Variants in GATAD2B observed in about 807,000 individuals in gnomAD.
GATAD2B encodes the protein transcriptional repressor p66-beta.
A neutral mutation model predicts 64.3 loss-of-function variants in GATAD2B; 8 were observed. The observed-to-expected ratio is 0.12, with a 90% confidence interval of 0.07 to 0.22. GATAD2B has a LOEUF of 0.22. Ranked by LOEUF, GATAD2B falls within the 10% of genes least tolerant of loss-of-function variation. GATAD2B has a pLI of 1.00. For missense variants in GATAD2B, 453 were observed against 752.0 expected (o/e 0.60, Z 4.65); for synonymous variants, 281 against 271.3 (o/e 1.04, Z -0.35).
chr1:153,903,395 T>C (rs964873414), intron 1 of GATAD2B, among the ~76,000 whole-genome samples: 14 of 152,150 alleles, frequency 9.2e-5, no homozygotes, highest in African/African-American at 3.4e-4. Context: ...CTCATATCAT[T>C]GCTCAGAGCC....
chr1:153,810,790 A>T (rs1448870274), intron 10 of GATAD2B, among the ~76,000 whole-genome samples: 2 of 148,846 alleles, frequency 1.3e-5, no homozygotes, highest in Non-Finnish European at 3.0e-5. Flanking sequence ...CTGAGACAGA[A>T]TTTCGCTCGT....
chr1:153,831,506 T>TAA (rs981463056), intron 1 of GATAD2B, among the ~76,000 whole-genome samples: 1 of 147,152 alleles, frequency 6.8e-6, no homozygotes, highest in South Asian at 2.2e-4. Context: ...AGTAAAATAA[T>TAA]AAAAAAAAAA....
In GATAD2B at chr1:153,824,612, T is replaced by TTA. The variant is rs1553189267; in HGVS notation, c.335+3400_335+3401insTA. Among the ~76,000 whole-genome samples the TTA allele has an allele frequency of 1.9e-4, 18 of 96,664 alleles. 1 individual carries two copies. The South Asian group carries it at 3.4e-3, about 18-fold the overall frequency. 63.4% of individuals were successfully genotyped at this position (96,664 alleles called of 152,430 possible). A position where few individuals can be genotyped will look rare whatever the true frequency, so the allele number is the denominator to read the frequency against. On this transcript the variant is annotated intron_variant, in intron 2 of 10. Coordinates refer to ENST00000368655, the MANE Select transcript of GATAD2B (RefSeq NM_020699.4). The stretch of plus-strand genomic sequence containing the variant: ...GGGCAACAGAGCGAGACTCTGCCTT[T>TTA]AAAAAAAAAAAAAAAAAAAAAAAAA...
At chr1:153,911,262 G>GT (rs1033172466) in intron 1 of GATAD2B, among the ~76,000 whole-genome samples, 16 of 151,782 alleles carry the variant, frequency 1.1e-4, no homozygotes, top group East Asian at 1.9e-4. Flanking sequence ...AGAATGGTTG[G>GT]TTTTTTTTAA....
In GATAD2B at chr1:153,900,010, T is replaced by C. The variant is rs373098940; in HGVS notation, c.-2+22723A>G. ...ACACAAATTGCAAACACCCTAACTG[T>C]TCCTCAGAAGTGGACAGATTAGGTA... On this transcript the variant is annotated intron_variant, in intron 1 of 10. Transcript: ENST00000368655. Among the ~76,000 whole-genome samples, 9 of 152,340 alleles carry C rather than the reference T, an allele frequency of 5.9e-5. No individual in the cohort carries two copies. The East Asian group carries it at 1.5e-3, about 26-fold the overall frequency.
At chr1:153,857,878 A>C (rs1400089099) in intron 1 of GATAD2B, among the ~76,000 whole-genome samples, 1 of 152,250 alleles carries the variant, frequency 6.6e-6, no homozygotes, top group Non-Finnish European at 1.5e-5. Context: ...GGAAGCAATA[A>C]GAACTTCCAT....
At position 153,816,466 on chromosome 1, in the gene GATAD2B, G is replaced by A; in HGVS notation, c.1023C>T (p.Ala341=). The A allele has an allele frequency of 6.2e-7, 1 of 1,614,186 alleles. No homozygotes were observed. The highest frequency in any genetic ancestry group is 1.1e-5 in the South Asian group (1 of 91,086). ...CCTGTGAGTTGGCAGCATCAGTCAT[G>A]GCGCTGGGGCTAGGAAGTGGCGAGG... is the stretch of plus-strand genomic sequence containing the variant. The part of the protein sequence containing the change: ...RVSSPLPSPS[A]MTDAANSQAA... The change falls in exon 7 of 11, where the codon GCC becomes GCT. Residue 341 remains alanine, a synonymous_variant. Transcript: ENST00000368655. The surrounding 1 kb of genome is among the most constrained non-coding windows in gnomAD (Gnocchi z 4.9).
At chr1:153,838,891 T>C (rs10796958) in intron 1 of GATAD2B, among the ~76,000 whole-genome samples, 107,537 of 151,852 alleles carry the variant, frequency 0.71, 39,807 homozygotes, top group Non-Finnish European at 0.83. Flanking sequence ...TGGCAGATCA[T>C]TTGAGGCTGG....
intron 1 of GATAD2B, among the ~76,000 whole-genome samples, chr1:153,861,866 ATATATATGTG>A (rs1472176532): frequency 6.8e-6 from 1 of 146,230 alleles, no homozygotes; most frequent in Non-Finnish European, 1.5e-5. Flanking sequence ...GTATATATGT[ATATATATGTG>A]TATATATATA....
chr1:153,853,205 G>T, intron 1 of GATAD2B: 1 of 1,171,324 alleles, frequency 8.5e-7, no homozygotes, highest in Non-Finnish European at 1.3e-6. Flanking sequence ...CTAGCTTCTG[G>T]ATGATGGGCA....
chr1:153,878,291 A>G lies in GATAD2B; in HGVS notation c.-2+44442T>C, dbSNP rs1299700835. ...CCCGAGTAGCTAGGACCACAGGCAC[A>G]TGCCACGACTAATTTTTTGTAAAGA... On this transcript the variant is annotated intron_variant, in intron 1 of 10. Transcript: ENST00000368655. Among the ~76,000 whole-genome samples, 8 of 151,544 alleles carry G rather than the reference A, an allele frequency of 5.3e-5. No homozygotes were observed. The Admixed American group carries it at 5.3e-4, about 10-fold the overall frequency.
chr1:153,897,150 C>T (rs527349253), intron 1 of GATAD2B, among the ~76,000 whole-genome samples: 2 of 152,010 alleles, frequency 1.3e-5, no homozygotes, highest in African/African-American at 2.4e-5. Context: ...CTGCCTCAGC[C>T]TCCCGAGTAG....
At chr1:153,897,529 T>C (rs1677632817) in intron 1 of GATAD2B, among the ~76,000 whole-genome samples, 1 of 152,204 alleles carries the variant, frequency 6.6e-6, no homozygotes, top group African/African-American at 2.4e-5. Context: ...CTACCCAATG[T>C]GGGTGCAAGA....
intron 1 of GATAD2B, among the ~76,000 whole-genome samples, chr1:153,870,715 GA>G (rs1676636774): frequency 6.6e-6 from 1 of 152,182 alleles, no homozygotes; most frequent in South Asian, 2.1e-4. Flanking sequence ...AGGTATATAT[GA>G]AACAAATCAA....
chr1:153,876,861 G>A (rs779267000), intron 1 of GATAD2B, among the ~76,000 whole-genome samples: 1 of 151,916 alleles, frequency 6.6e-6, no homozygotes, highest in Non-Finnish European at 1.5e-5. Flanking sequence ...AAATTAGCTG[G>A]GCATGGTGGC....
At chr1:153,822,202 AAAAT>A (rs1674707141) in intron 2 of GATAD2B, among the ~76,000 whole-genome samples, 1 of 152,098 alleles carries the variant, frequency 6.6e-6, no homozygotes, top group Non-Finnish European at 1.5e-5. Flanking sequence ...AAATAAATAA[AAAAT>A]AAAACACCGG....
intron 2 of GATAD2B, among the ~76,000 whole-genome samples, chr1:153,824,788 T>C (rs1674812897): frequency 1.3e-5 from 2 of 151,418 alleles, no homozygotes; most frequent in South Asian, 2.1e-4. Flanking sequence ...ACAAAGTTTC[T>C]ATGAAAAATG....
At chr1:153,891,574 TAAAA>T (rs1163572311) in intron 1 of GATAD2B, among the ~76,000 whole-genome samples, 6 of 19,944 alleles carry the variant, frequency 3.0e-4, no homozygotes, top group African/African-American at 7.6e-4. Flanking sequence ...CTGTCTCGTT[TAAAA>T]AAAAAAAAAA....
rs771355220 is a variant in GATAD2B, at chr1:153,894,239, G to A, written c.-2+28494C>T. On this transcript the variant is annotated intron_variant, in intron 1 of 10. Coordinates refer to ENST00000368655, the MANE Select transcript of GATAD2B (RefSeq NM_020699.4). ...TCCCAGCACTTTGGGAGGTTGAGGC[G>A]GGCAGATCACTTGAGGTCAGGAGTT... 7.9e-5 allele frequency among the ~76,000 whole-genome samples: 12 copies of A among 151,854 alleles called. No homozygotes were observed. The Middle Eastern group carries it at 0.01, about 129-fold the overall frequency.
Sources: allele counts gnomAD v4.1 joint callset (sites outside exome capture counted in the v4.1 genomes callset), GRCh38; gene constraint gnomAD v4.1.1; non-coding constraint Gnocchi (gnomAD v3.1); transcripts MANE v1.5; gene names NCBI Gene and HGNC (gene_info 2026-07-23, HGNC 2026-07-21).